NIPA2: variants seen among roughly 807,000 people sequenced by gnomAD.
The protein encoded by NIPA2 is NIPA magnesium transporter 2.
Under a neutral mutation model 29.7 loss-of-function variants are expected in NIPA2, and 11 were observed. The observed-to-expected ratio is 0.37, with a 90% CI of 0.23 to 0.61. NIPA2 has a LOEUF of 0.61. Ranked by LOEUF, NIPA2 falls within the 20% of genes least tolerant of loss-of-function variation. The pLI is 0.66. For missense variants in NIPA2, 426 were observed against 437.9 expected (o/e 0.97, Z 0.24); for synonymous variants, 183 against 161.9 (o/e 1.13, Z -0.99).
intron 6 of NIPA2, among the ~76,000 whole-genome samples, chr15:22,859,220 T>C (rs2141423296): frequency 6.6e-6 from 1 of 151,732 alleles, no homozygotes; most frequent in South Asian, 2.1e-4. Context: ...GTTACACTCA[T>C]CCCAGTATTT....
At chr15:22,853,684 T>G (rs1258117804) in intron 5 of NIPA2, among the ~76,000 whole-genome samples, 1 of 151,834 alleles carries the variant, frequency 6.6e-6, no homozygotes, top group East Asian at 1.9e-4. Context: ...CCTACTTTTT[T>G]CATTTTTGTG....
chr15:22,858,925 C>G (rs975156664), intron 6 of NIPA2, among the ~76,000 whole-genome samples: 2 of 152,158 alleles, frequency 1.3e-5, no homozygotes, highest in Non-Finnish European at 2.9e-5. Flanking sequence ...TGCCTGTAAT[C>G]CCAGCATTTT....
Position 22,868,268 on chromosome 15 carries a change from T to C in NIPA2, c.*1421T>C, listed in dbSNP as rs1417044782. On this transcript the variant is annotated 3_prime_UTR_variant, in exon 8 of 8. Transcript: ENST00000337451. ...TACTACAGATGTACTACGTATCTGT[T>C]TATATACTGTACCTACATCTGTGCT... The C allele has an allele frequency of 6.6e-6, 1 of 152,236 alleles. No individual in the cohort carries two copies. The highest frequency in any genetic ancestry group is 2.4e-5 in the African/African-American group (1 of 41,450). The allele number at this position is 152,236 out of a possible 1,614,324, so 9.4% of individuals were successfully genotyped here. A position where few individuals can be genotyped will look rare whatever the true frequency, so the allele number is the denominator to read the frequency against.
At chr15:22,849,563 AT>A (rs11423765) in intron 3 of NIPA2, among the ~76,000 whole-genome samples, 377 of 144,150 alleles carry the variant, frequency 2.6e-3, no homozygotes, top group Non-Finnish European at 2.6e-3. Context: ...ATGTTTCAGT[AT>A]TTTTTTTTTT....
intron 3 of NIPA2, among the ~76,000 whole-genome samples, chr15:22,848,159 C>T (rs2057420003): frequency 6.6e-6 from 1 of 152,098 alleles, no homozygotes; most frequent in South Asian, 2.1e-4. Flanking sequence ...GACCCTGACT[C>T]ATGAGAAGGA....
At chr15:22,852,053 G>A (rs1321306801) in intron 4 of NIPA2, among the ~76,000 whole-genome samples, 183 bp downstream of exon 4, 1 of 152,202 alleles carries the variant, frequency 6.6e-6, no homozygotes, top group Non-Finnish European at 1.5e-5. Flanking sequence ...GTGAGAAGAT[G>A]TCATAATTAG....
chr15:22,858,839 T>G (rs1404618039), intron 6 of NIPA2, among the ~76,000 whole-genome samples: 13 of 152,216 alleles, frequency 8.5e-5, no homozygotes, highest in African/African-American at 2.9e-4. Flanking sequence ...TTGTCTTGCT[T>G]GTATTCAGAG....
chr15:22,857,185 CT>C, intron 5 of NIPA2, among the ~76,000 whole-genome samples: 1 of 152,186 alleles, frequency 6.6e-6, no homozygotes, highest in Admixed American at 6.5e-5. Context: ...AATCCCAGCA[CT>C]TTGGGAGGCT....
At chr15:22,846,843 T>A (rs28711528) in intron 3 of NIPA2, among the ~76,000 whole-genome samples, 2,427 of 95,390 alleles carry the variant, frequency 0.025, 25 homozygotes, top group African/African-American at 0.029. Flanking sequence ...TAATAATAAT[T>A]ATTATTATTA....
chr15:22,840,643 G>C (rs1288949187), intron 2 of NIPA2, among the ~76,000 whole-genome samples: 5 of 152,144 alleles, frequency 3.3e-5, no homozygotes. Context: ...GCCGGGTGTA[G>C]AAGTAAAGTC....
In NIPA2 at chr15:22,851,660, G is replaced by T; in HGVS notation, c.-72G>T. ...TTAGGTTTGAAGACTGCTTCATTCT[G>T]CCTCTAGTACCAGCGGTTTCTCTGT... On this transcript the variant is annotated 5_prime_UTR_variant, in exon 4 of 8. Coordinates refer to ENST00000337451, the MANE Select transcript of NIPA2 (RefSeq NM_030922.7). 3 of 1,290,024 alleles carry T rather than the reference G, an allele frequency of 2.3e-6. No individual in the cohort carries two copies. In the South Asian group the frequency reaches 4.3e-5, roughly 19 times the overall value. 79.9% of individuals were successfully genotyped at this position (1,290,024 alleles called of 1,614,324 possible).
At position 22,859,572 on chromosome 15, in the gene NIPA2, G is replaced by A. The variant is rs529274782; in HGVS notation, c.287+942G>A. On this transcript the variant is annotated intron_variant, in intron 6 of 7. Coordinates refer to ENST00000337451, the MANE Select transcript of NIPA2 (RefSeq NM_030922.7). Reference sequence around the variant, plus strand: ...CTCCCAAAGTGTTGGGATTACAGGCGTGAGCCACTGTGCCCGGCCAATGAG... The same window carrying A: ...CTCCCAAAGTGTTGGGATTACAGGCATGAGCCACTGTGCCCGGCCAATGAG... Among the ~76,000 whole-genome samples the A allele has an allele frequency of 5.3e-5, 8 of 152,274 alleles. No individual in the cohort carries two copies. In the South Asian group the frequency reaches 8.3e-4, roughly 16 times the overall value.
At chr15:22,858,300 A>G (rs760715153) in intron 5 of NIPA2, among the ~76,000 whole-genome samples, 1 of 152,202 alleles carries the variant, frequency 6.6e-6, no homozygotes, top group Non-Finnish European at 1.5e-5. Flanking sequence ...AGGCTGAGGC[A>G]GGAGAATGGC....
At chr15:22,849,918 GC>G (rs1216278095) in intron 3 of NIPA2, among the ~76,000 whole-genome samples, 1 of 151,968 alleles carries the variant, frequency 6.6e-6, no homozygotes, top group Non-Finnish European at 1.5e-5. Flanking sequence ...TTTGGGACTT[GC>G]TGGTGGTTTC....
chr15:22,866,158 G>T lies in NIPA2; in HGVS notation c.449-55G>T, dbSNP rs28572108. The T allele has an allele frequency of 0.032, 46,357 of 1,432,430 alleles. 1,765 individuals carry two copies. The highest frequency in any genetic ancestry group is 0.17 in the African/African-American group (12,328 of 70,494). 88.7% of individuals were successfully genotyped at this position (1,432,430 alleles called of 1,614,324 possible). A position where few individuals can be genotyped will look rare whatever the true frequency, so the allele number is the denominator to read the frequency against. On this transcript the variant is annotated intron_variant, in intron 7 of 7. Coordinates refer to ENST00000337451, the MANE Select transcript of NIPA2 (RefSeq NM_030922.7). ...TTTATTATATTTTGTTTTGCATTCT[G>T]TGTTTAAGAACAACCAACCATTTGA... is the stretch of plus-strand genomic sequence containing the variant.
rs1230948825 is a variant in NIPA2, at chr15:22,867,374, C to T, written c.*527C>T. ...AAAACTAAGTTACTGAATGAAGGAA[C>T]CTCTTTCTTACAAAACAAAAAAAAG... is the stretch of plus-strand genomic sequence containing the variant. On this transcript the variant is annotated 3_prime_UTR_variant, in exon 8 of 8. Transcript: ENST00000337451. 2.6e-6 allele frequency: 1 copy of T among 391,788 alleles called. No homozygotes were observed. Among genetic ancestry groups the T allele is most frequent in the Non-Finnish European group, 4.5e-6 (1 of 222,630 alleles). 24.3% of individuals were successfully genotyped at this position (391,788 alleles called of 1,614,324 possible). A position where few individuals can be genotyped will look rare whatever the true frequency, so the allele number is the denominator to read the frequency against.
chr15:22,866,867 T>A lies in NIPA2; in HGVS notation c.*20T>A. ...TTTTAAGAAAGGTGTAATTAAAGGTTAATCTGTGATTGTTATGAAGTGAAT... is the reference window on the plus strand; with the variant it reads ...TTTTAAGAAAGGTGTAATTAAAGGTAAATCTGTGATTGTTATGAAGTGAAT... On this transcript the variant is annotated 3_prime_UTR_variant, in exon 8 of 8. Coordinates refer to ENST00000337451, the MANE Select transcript of NIPA2 (RefSeq NM_030922.7). 1.9e-6 allele frequency: 3 copies of A among 1,557,122 alleles called. No individual in the cohort carries two copies. Among genetic ancestry groups the A allele is most frequent in the Non-Finnish European group, 2.6e-6 (3 of 1,152,088 alleles).
chr15:22,864,330 AT>A (rs1314167331), intron 7 of NIPA2, among the ~76,000 whole-genome samples: 3 of 151,718 alleles, frequency 2.0e-5, no homozygotes, highest in South Asian at 2.1e-4. Context: ...AATTTTTTGT[AT>A]TTTTAGTAGA....
rs749976535 is a variant in NIPA2 at position 22,858,648 on chromosome 15, A to T, written c.287+18A>T. The T allele has an allele frequency of 1.4e-6, 2 of 1,457,688 alleles. No individual in the cohort carries two copies. Among genetic ancestry groups the T allele is most frequent in the Non-Finnish European group, 9.4e-7 (1 of 1,063,220 alleles). The allele number at this position is 1,457,688 out of a possible 1,614,324, so 90.3% of individuals were successfully genotyped here. On this transcript the variant is annotated intron_variant, in intron 6 of 7. Coordinates refer to ENST00000337451, the MANE Select transcript of NIPA2 (RefSeq NM_030922.7). ...CTAGTAAGGTAAGGACACGTTTTTCATGTAGAAACAGTAGTCGGTATCTTA... is the reference window on the plus strand; with the variant it reads ...CTAGTAAGGTAAGGACACGTTTTTCTTGTAGAAACAGTAGTCGGTATCTTA...
Sources: allele counts gnomAD v4.1 joint callset (sites outside exome capture counted in the v4.1 genomes callset), GRCh38; gene constraint gnomAD v4.1.1; transcripts MANE v1.5; gene names NCBI Gene and HGNC (gene_info 2026-07-23, HGNC 2026-07-21).